KCTD10: variants seen among roughly 807,000 people sequenced by gnomAD.
KCTD10 encodes the protein BTB/POZ domain-containing adapter for CUL3-mediated RhoA degradation protein 3.
KCTD10 carries 13 observed loss-of-function variants against 34.6 expected under a neutral mutation model. That is an observed-to-expected ratio of 0.38 (90% CI 0.24 to 0.60). The LOEUF is 0.60. Among genes scored for constraint, KCTD10 ranks in the 20% least tolerant of loss-of-function variants. The probability of loss-of-function intolerance (pLI) is 0.66; values close to 1 mark genes in which losing one functional copy is unlikely to be tolerated. For synonymous variants in KCTD10, 156 were observed against 168.8 expected (o/e 0.92, Z 0.59); for missense variants, 256 against 420.3 (o/e 0.61, Z 3.42).
At chr12:109,473,178 C>T (rs1014018128) in intron 1 of KCTD10, among the ~76,000 whole-genome samples, 1 of 152,234 alleles carries the variant, frequency 6.6e-6, no homozygotes, top group Non-Finnish European at 1.5e-5. Context: ...CAAGTGGTGG[C>T]TGGCCCAGAG....
chr12:109,472,196 C>A (rs981041936), intron 1 of KCTD10, among the ~76,000 whole-genome samples: 6 of 151,888 alleles, frequency 4.0e-5, no homozygotes, highest in Middle Eastern at 3.4e-3. Context: ...ACTTTTGGAC[C>A]CTTTTGTAAT....
intron 1 of KCTD10, chr12:109,471,085 T>C (rs1873862812): frequency 3.0e-6 from 3 of 985,070 alleles, no homozygotes; most frequent in Non-Finnish European, 2.4e-6. Flanking sequence ...GCTTTTTGGC[T>C]GCAGGGCACT....
chr12:109,471,828 T>C (rs976830537), intron 1 of KCTD10, among the ~76,000 whole-genome samples: 2 of 152,188 alleles, frequency 1.3e-5, no homozygotes, highest in African/African-American at 4.8e-5. Flanking sequence ...ATGCTTGTTA[T>C]GGGAAACGAT....
rs1271287052 is a variant in KCTD10, at chr12:109,449,962, ACATT to A, written c.*1629_*1632del. The A allele has an allele frequency of 3.8e-6, 1 of 264,902 alleles. No individual in the cohort carries two copies. The highest frequency in any genetic ancestry group is 7.1e-6 in the Non-Finnish European group (1 of 141,268). 16.4% of individuals were successfully genotyped at this position (264,902 alleles called of 1,614,324 possible). ...AGCATCTGCCCAATACACGATTTTG[ACATT>A]CAGTCATGATTGTTTTAAAGTTTTA... On this transcript the variant is annotated 3_prime_UTR_variant, in exon 7 of 7. Coordinates refer to ENST00000228495, the MANE Select transcript of KCTD10 (RefSeq NM_031954.5).
chr12:109,456,474 A>C (rs1194940239), intron 5 of KCTD10, 161 bp from the exon 6 acceptor site: 1 of 663,988 alleles, frequency 1.5e-6, no homozygotes, highest in Admixed American at 2.3e-5. Context: ...TCCATCACTC[A>C]AGAAGGAAAG....
chr12:109,469,945 A>C (rs1434274055), intron 1 of KCTD10: 10 of 1,255,808 alleles, frequency 8.0e-6, no homozygotes, highest in Non-Finnish European at 1.1e-5. Context: ...GCAGGGGAAC[A>C]ACTGGTCAGA....
At chr12:109,463,690 A>T (rs1873458463) in intron 2 of KCTD10, among the ~76,000 whole-genome samples, 1 of 152,222 alleles carries the variant, frequency 6.6e-6, no homozygotes, top group Admixed American at 6.5e-5. Context: ...ACAGCAGTTA[A>T]GTGTTGGAAA....
chr12:109,451,662 T>C lies in KCTD10; in HGVS notation c.875A>G (p.Glu292Gly), dbSNP rs1872775756. ...GATCCTCCGCACGCGCTCGATCCGC[T>C]CCCGCTCCTCGTCCTCGTCCAGGTG... Reference protein sequence around the residue: ...SHHLDEDEERERIERVRRIHI... With the variant: ...SHHLDEDEERGRIERVRRIHI... Residue 292 changes from glutamate to glycine, a missense_variant, in exon 7 of 7, where the codon GAG (glutamate) becomes GGG (glycine). By Grantham distance (98) the Glu-to-Gly change is moderately conservative (BLOSUM62 -2). Transcript: ENST00000228495. This position sits in a 1 kb window ranked among gnomAD's most constrained non-coding sequence, Gnocchi z 5.0. 6.2e-7 allele frequency: 1 copy of C among 1,613,304 alleles called. No individual in the cohort carries two copies. Among genetic ancestry groups the C allele is most frequent in the African/African-American group, 1.3e-5 (1 of 74,896 alleles).
At chr12:109,463,542 C>T (rs140845065) in intron 2 of KCTD10, among the ~76,000 whole-genome samples, 45 of 152,224 alleles carry the variant, frequency 3.0e-4, no homozygotes, top group African/African-American at 1.1e-3. Flanking sequence ...CCACGGGGCA[C>T]GAGAGCTATT....
chr12:109,467,880 G>A (rs56209061), intron 2 of KCTD10, among the ~76,000 whole-genome samples: 7,175 of 152,190 alleles, frequency 0.047, 266 homozygotes, highest in Non-Finnish European at 0.066. Flanking sequence ...AGAGGAGTCC[G>A]TTTCTTTTTT....
At chr12:109,455,412 G>C (rs769252164) in intron 6 of KCTD10, 12 of 151,992 alleles carry the variant, frequency 7.9e-5, no homozygotes, top group Non-Finnish European at 1.5e-4. Context: ...AAAAGACTCT[G>C]GTTTCTACTT....
intron 6 of KCTD10, among the ~76,000 whole-genome samples, chr12:109,455,204 T>C (rs1872956848): frequency 6.6e-6 from 1 of 152,178 alleles, no homozygotes; most frequent in Non-Finnish European, 1.5e-5. Flanking sequence ...ATATCTATTC[T>C]TTTAGGATAG....
intron 6 of KCTD10, among the ~76,000 whole-genome samples, chr12:109,452,952 T>C (rs1020219206): frequency 2.0e-5 from 3 of 152,132 alleles, no homozygotes; most frequent in Admixed American, 1.3e-4. Context: ...CCACATGGTC[T>C]GATCCCAACT....
chr12:109,451,901 T>C lies in KCTD10; in HGVS notation c.724-88A>G, dbSNP rs1228159746. The C allele has an allele frequency of 1.8e-6, 2 of 1,140,208 alleles. No homozygotes were observed. The highest frequency in any genetic ancestry group is 2.4e-6 in the Non-Finnish European group (2 of 824,830). 70.6% of individuals were successfully genotyped at this position (1,140,208 alleles called of 1,614,324 possible). A position where few individuals can be genotyped will look rare whatever the true frequency, so the allele number is the denominator to read the frequency against. On this transcript the variant is annotated intron_variant, in intron 6 of 6. Coordinates refer to ENST00000228495, the MANE Select transcript of KCTD10 (RefSeq NM_031954.5). The surrounding 1 kb of genome is among the most constrained non-coding windows in gnomAD (Gnocchi z 5.0). ...CTTTAAGCAGGGCCGCCAGGCTAAA[T>C]CAGGCCCCTGGGATTCTGCTGAAGG...
chr12:109,476,246 G>A (rs1396332223), intron 1 of KCTD10, among the ~76,000 whole-genome samples: 6 of 152,186 alleles, frequency 3.9e-5, no homozygotes, highest in Non-Finnish European at 5.9e-5. Flanking sequence ...GGTTTATGCT[G>A]CCTTCTTCCC....
intron 2 of KCTD10, among the ~76,000 whole-genome samples, chr12:109,463,472 C>T (rs1364175393): frequency 1.3e-5 from 2 of 152,174 alleles, no homozygotes; most frequent in Non-Finnish European, 2.9e-5. Flanking sequence ...ATGCCTAGCA[C>T]GTAGAAAGAC....
intron 1 of KCTD10, among the ~76,000 whole-genome samples, chr12:109,476,670 C>G (rs1055387650): frequency 1.3e-5 from 2 of 152,112 alleles, no homozygotes; most frequent in African/African-American, 4.8e-5. Context: ...AAGCACTGAA[C>G]GCACATCAGC....
Position 109,471,075 on chromosome 12 carries a change from G to A in KCTD10, c.4-1347C>T, listed in dbSNP as rs1873862573. The stretch of plus-strand genomic sequence containing the variant: ...GCTTGACTACAGGTATGCTCCTCGT[G>A]CTTTTTGGCTGCAGGGCACTGACAG... On this transcript the variant is annotated intron_variant, in intron 1 of 6. Coordinates refer to ENST00000228495, the MANE Select transcript of KCTD10 (RefSeq NM_031954.5). The A allele has an allele frequency of 1.2e-5, 12 of 981,782 alleles. No homozygotes were observed. In the South Asian group the frequency reaches 5.7e-4, roughly 46 times the overall value. 60.8% of individuals were successfully genotyped at this position (981,782 alleles called of 1,614,324 possible).
Position 109,460,805 on chromosome 12 carries a change from C to T in KCTD10, c.218G>A (p.Gly73Asp). The T allele has an allele frequency of 1.2e-6, 2 of 1,613,642 alleles. No homozygotes were observed. Among genetic ancestry groups the T allele is most frequent in the Non-Finnish European group, 1.7e-6 (2 of 1,179,666 alleles). ...CCCACAGCGGTCAATGAGGATCCAG[C>T]CTGCAGAGGGAGGAGGCAGGGGCTG... is the stretch of plus-strand genomic sequence containing the variant. ...GRMEVLTDSE[G>D]WILIDRCGKH... is the part of the protein sequence containing the mutation. Residue 73 changes from glycine to aspartate, a missense_variant and splice_region_variant, in exon 3 of 7, where the codon GGC becomes GAC. By Grantham distance (94) the Gly-to-Asp change is moderately conservative. This residue lies in a region of KCTD10 where 155 missense variants were observed against 207.0 expected (regional missense o/e 0.75). Transcript: ENST00000228495. This position sits in a 1 kb window ranked among gnomAD's most constrained non-coding sequence, Gnocchi z 4.5.
Sources: allele counts gnomAD v4.1 joint callset (sites outside exome capture counted in the v4.1 genomes callset), GRCh38; gene constraint gnomAD v4.1.1; regional missense constraint gnomAD v4.1.1; non-coding constraint Gnocchi (gnomAD v3.1); transcripts MANE v1.5; gene names NCBI Gene and HGNC (gene_info 2026-07-23, HGNC 2026-07-21).